The following PNKP variants were observed in gnomAD, a reference collection of about 807,000 sequenced individuals.
The protein encoded by PNKP is polynucleotide kinase 3'-phosphatase, also known as bifunctional polynucleotide phosphatase/kinase.
In PNKP, 82 loss-of-function variants were observed where a neutral mutation model predicts 66.2. The observed-to-expected ratio is 1.24, with a 90% confidence interval of 1.04 to 1.49. PNKP has a LOEUF of 1.49. Among genes scored for constraint, PNKP ranks in the 40% most tolerant of loss-of-function variants. The probability of loss-of-function intolerance (pLI) is 0.00; values close to 1 mark genes in which losing one functional copy is unlikely to be tolerated. For synonymous variants in PNKP, 412 were observed against 298.9 expected (o/e 1.38, Z -3.90); for missense variants, 907 against 706.8 (o/e 1.28, Z -3.21).
In PNKP at chr19:49,862,800, C is replaced by T. The variant is rs367874198; in HGVS notation, c.817-62G>A. 4 of 1,568,550 alleles carry T rather than the reference C, an allele frequency of 2.6e-6. No individual in the cohort carries two copies. The Admixed American group carries it at 5.0e-5, about 20-fold the overall frequency. On this transcript the variant is annotated intron_variant, in intron 8 of 16. Transcript: ENST00000322344. The stretch of plus-strand genomic sequence containing the variant: ...ATGTCCCCCCGCAGCGGTAGCGGGT[C>T]CCTGGGGCTGCTTCGCCTGGTCTGT...
rs1349888810 is a variant in PNKP at position 49,862,288 on chromosome 19, G to A, written c.1030-7C>T. On this transcript the variant is annotated splice_polypyrimidine_tract_variant and splice_region_variant and intron_variant, in intron 11 of 16. Coordinates refer to ENST00000322344, the MANE Select transcript of PNKP (RefSeq NM_007254.4). ...CTGAGCGGGAGACAGTCCTCTGCGA[G>A]GGGCGGGGGACACGCGTGAGATGCC... 7.0e-6 allele frequency: 11 copies of A among 1,580,662 alleles called. No individual in the cohort carries two copies. Among genetic ancestry groups the A allele is most frequent in the African/African-American group, 4.0e-5 (3 of 74,522 alleles).
rs771741148 is a variant in PNKP, at chr19:49,862,521, G to C, written c.936+17C>G. 1.2e-6 allele frequency: 2 copies of C among 1,602,156 alleles called. No individual in the cohort carries two copies. The highest frequency in any genetic ancestry group is 3.4e-5 in the Admixed American group (2 of 57,974). ...CAGGGTCGGGCTCGGGCGCGGGGCA[G>C]GGGGCAGGGGCCTCACCAGGCGATC... On this transcript the variant is annotated intron_variant, in intron 10 of 16. Transcript: ENST00000322344.
At chr19:49,866,651 C>T in intron 2 of PNKP, 1 of 668,226 alleles carries the variant, frequency 1.5e-6, no homozygotes, top group South Asian at 1.6e-5. Flanking sequence ...CAGGGAGGTA[C>T]TTTTCTCTAC....
chr19:49,861,497 G>C lies in PNKP; in HGVS notation c.1400C>G (p.Thr467Arg). 2.5e-6 allele frequency: 4 copies of C among 1,607,032 alleles called. No homozygotes were observed. Among genetic ancestry groups the C allele is most frequent in the Non-Finnish European group, 3.4e-6 (4 of 1,176,168 alleles). ...ARHNNRFREMTDSSHIPVSDM... is the reference protein window; with the variant it reads ...ARHNNRFREMRDSSHIPVSDM... ...TGACACGGGGATATGAGAGGAGTCC[G>C]TCATCTCTCGAAACTGTGGGGAACA... The change falls in exon 16 of 17, where the codon ACG becomes AGG. Residue 467 changes from threonine to arginine, a missense_variant. Coordinates refer to ENST00000322344, the MANE Select transcript of PNKP (RefSeq NM_007254.4).
Position 49,861,331 on chromosome 19 carries a change from A to AGC in PNKP, c.1481_1482dup (p.Phe495AlafsTer?). On this transcript the variant is annotated frameshift_variant, in exon 17 of 17. Transcript: ENST00000322344. LOFTEE classifies it high-confidence loss of function. ...AACGGGATCTCCAGGATGGCAGAGA[A>AGC]GCCTTCAGCCAGCGTTGGGGCCTCG... 1 of 1,614,160 alleles carries AGC rather than the reference A, an allele frequency of 6.2e-7. No homozygotes were observed. Among genetic ancestry groups the AGC allele is most frequent in the East Asian group, 2.2e-5 (1 of 44,882 alleles).
Position 49,861,931 on chromosome 19 carries a change from A to C in PNKP, c.1189-50T>G, listed in dbSNP as rs1211638345. ...AGATCGGCAGACCCAGGGGGAGAGA[A>C]GACCCCGAGCGGGGACGGGGAGGCA... On this transcript the variant is annotated intron_variant, in intron 13 of 16. Coordinates refer to ENST00000322344, the MANE Select transcript of PNKP (RefSeq NM_007254.4). 3 of 1,576,256 alleles carry C rather than the reference A, an allele frequency of 1.9e-6. No individual in the cohort carries two copies. The African/African-American group carries it at 4.0e-5, about 21-fold the overall frequency.
At position 49,862,095 on chromosome 19, in the gene PNKP, G is replaced by A; in HGVS notation, c.1137C>T (p.Ser379=). Residue 379 remains serine, a synonymous_variant, in exon 13 of 17, where the codon TCC becomes TCT. Transcript: ENST00000322344. ...ACACGAGGTGCTTCTTGAGAAAGGTGGACTTCCCGGCTGTGTGGGGGGCAG... is the reference window on the plus strand; with the variant it reads ...ACACGAGGTGCTTCTTGAGAAAGGTAGACTTCCCGGCTGTGTGGGGGGCAG... ...VAVGFPGAGK[S]TFLKKHLVSA... 6.2e-7 allele frequency: 1 copy of A among 1,614,134 alleles called. No homozygotes were observed. The highest frequency in any genetic ancestry group is 8.5e-7 in the Non-Finnish European group (1 of 1,180,006).
chr19:49,863,668 C>A (rs767373594), intron 8 of PNKP, 21 bp downstream of exon 8: 2 of 1,541,960 alleles, frequency 1.3e-6, no homozygotes, highest in African/African-American at 2.7e-5. Flanking sequence ...GGAGGGGGGC[C>A]GGGCAGGCTG....
At position 49,863,775 on chromosome 19, in the gene PNKP, G is replaced by C. The variant is rs952214252; in HGVS notation, c.745-15C>G. 20 of 1,555,386 alleles carry C rather than the reference G, an allele frequency of 1.3e-5. No individual in the cohort carries two copies. The highest frequency in any genetic ancestry group is 1.7e-5 in the Non-Finnish European group (20 of 1,148,640). On this transcript the variant is annotated splice_polypyrimidine_tract_variant and intron_variant, in intron 7 of 16. Transcript: ENST00000322344. Reference sequence around the variant, plus strand: ...GCCACCAGCACCTGTGGATGGGAGGGGGCCACCAGCTTTAGCTCCCCCTCA... The same window carrying C: ...GCCACCAGCACCTGTGGATGGGAGGCGGCCACCAGCTTTAGCTCCCCCTCA...
chr19:49,861,647 G>C lies in PNKP; in HGVS notation c.1347C>G (p.Leu449=), dbSNP rs1347277042. The change falls in exon 15 of 17, where the codon CTC becomes CTG. Residue 449 remains leucine, a synonymous_variant. Transcript: ENST00000322344. The part of the protein sequence containing the change: ...RAAGVPCRCF[L]FTATLEQARH... ...GCGCCTGCTCCAGAGTGGCGGTGAA[G>C]AGGAAGCAGCGGCAGGGGACGCCCG... 1 of 1,551,882 alleles carries C rather than the reference G, an allele frequency of 6.4e-7. No homozygotes were observed. The highest frequency in any genetic ancestry group is 1.4e-5 in the African/African-American group (1 of 73,216).
chr19:49,864,307 GT>G lies in PNKP; in HGVS notation c.578+16del. 6.2e-7 allele frequency: 1 copy of G among 1,612,684 alleles called. No individual in the cohort carries two copies. Among genetic ancestry groups the G allele is most frequent in the Non-Finnish European group, 8.5e-7 (1 of 1,178,694 alleles). ...GACTCCAGGCCTCACTCACTCCCTTGTTTTGCCTCTTATCACCTCCAGTCAC... is the reference window on the plus strand; with the variant it reads ...GACTCCAGGCCTCACTCACTCCCTTGTTTGCCTCTTATCACCTCCAGTCAC... On this transcript the variant is annotated intron_variant, in intron 5 of 16. Transcript: ENST00000322344.
chr19:49,861,258 G>C lies in PNKP; in HGVS notation c.1556C>G (p.Ser519Cys), dbSNP rs745801055. 1.2e-6 allele frequency: 2 copies of C among 1,603,728 alleles called. No homozygotes were observed. The highest frequency in any genetic ancestry group is 1.1e-5 in the South Asian group (1 of 90,842). The stretch of plus-strand genomic sequence containing the variant: ...GGAGCTGGGCGGGGCTCAGCCCTCG[G>C]AGAACTGGCAGTACAGCCGCCCCAG... The part of the protein sequence containing the change: ...PRLGRLYCQF[S>C]EG The change falls in exon 17 of 17, where the codon TCC (serine) becomes TGC (cysteine). Residue 519 changes from serine (S) to cysteine (C), a missense_variant. Physicochemically the swap from Ser to Cys is moderately radical, Grantham distance 112 (BLOSUM62 -1). Coordinates refer to ENST00000322344, the MANE Select transcript of PNKP (RefSeq NM_007254.4).
At chr19:49,866,687 A>T in intron 2 of PNKP, 2 of 626,662 alleles carry the variant, frequency 3.2e-6, no homozygotes, top group South Asian at 3.6e-5. Flanking sequence ...CTTGACAAAA[A>T]ATGTGGCTAG....
Position 49,863,672 on chromosome 19 carries a change from C to T in PNKP, c.816+17G>A, listed in dbSNP as rs1166765841. 6.5e-7 allele frequency: 1 copy of T among 1,547,098 alleles called. No homozygotes were observed. The highest frequency in any genetic ancestry group is 8.7e-7 in the Non-Finnish European group (1 of 1,142,924). On this transcript the variant is annotated intron_variant, in intron 8 of 16. Coordinates refer to ENST00000322344, the MANE Select transcript of PNKP (RefSeq NM_007254.4). ...AGTGAGGAAAAGGAGGGGGGCCGGG[C>T]AGGCTGCAAGACTCACCTGCTCCTG...
rs796052853 is a variant in PNKP, at chr19:49,862,371, C to A, written c.1029G>T (p.Pro343=). 1.9e-6 allele frequency: 3 copies of A among 1,548,522 alleles called. No homozygotes were observed. The highest frequency in any genetic ancestry group is 2.4e-5 in the East Asian group (1 of 40,982). The change falls in exon 11 of 17, where the codon CCG becomes CCT. Residue 343 remains proline, a splice_region_variant and synonymous_variant. Transcript: ENST00000322344. ...CCCCACCCCCGCCCCAGGGCCTCAC[C>A]GGATCAAAGGCTGGGAGCTCGAAGC... ...AAGFELPAFD[P]RTVSRSGPLC... is the part of the protein sequence containing the mutation.
intron 2 of PNKP, 146 bp downstream of exon 2, chr19:49,866,908 C>T (rs1037144507): frequency 6.0e-6 from 5 of 837,306 alleles, no homozygotes; most frequent in African/African-American, 5.0e-5. Flanking sequence ...CAAGCACAAA[C>T]TTTATCTTCC....
Position 49,867,098 on chromosome 19 carries a change from C to G in PNKP, c.107G>C (p.Gly36Ala), listed in dbSNP as rs756589726. 4.3e-6 allele frequency: 7 copies of G among 1,613,608 alleles called. No individual in the cohort carries two copies. In the African/African-American group the frequency reaches 8.0e-5, roughly 18 times the overall value. The change falls in exon 2 of 17, where the codon GGA becomes GCA. Residue 36 changes from glycine (G) to alanine (A), a missense_variant. By Grantham distance (60) the Gly-to-Ala change is moderately conservative. Transcript: ENST00000322344. ...CCGGTCCGTAACCTGGGTCAGGGGT[C>G]CCCTGCCCAGGACCAGGGCTTGCCC... ...SDGQALVLGR[G>A]PLTQVTDRKC...
At chr19:49,862,325 C>A in intron 11 of PNKP, 44 bp from the exon 12 acceptor site, 1 of 1,538,628 alleles carries the variant, frequency 6.5e-7, no homozygotes, top group Non-Finnish European at 8.8e-7. Flanking sequence ...TCCCCATCCC[C>A]GGGAGCCCTC....
At position 49,867,281 on chromosome 19, in the gene PNKP, T is replaced by A. The variant is rs1357469618; in HGVS notation, c.-13-64A>T. On this transcript the variant is annotated intron_variant, in intron 1 of 16. Transcript: ENST00000322344. ...CCAATTTGCTGCAGGAAGTCCCGCCTCCTCCCACATCCACTAGAAAGTTTC... is the reference window on the plus strand; with the variant it reads ...CCAATTTGCTGCAGGAAGTCCCGCCACCTCCCACATCCACTAGAAAGTTTC... The A allele has an allele frequency of 1.8e-5, 26 of 1,453,976 alleles. No individual in the cohort carries two copies. The East Asian group carries it at 6.2e-4, about 35-fold the overall frequency. 90.1% of individuals were successfully genotyped at this position (1,453,976 alleles called of 1,614,324 possible).
Sources: allele counts gnomAD v4.1 joint callset, GRCh38; gene constraint gnomAD v4.1.1; transcripts MANE v1.5; gene names NCBI Gene and HGNC (gene_info 2026-07-23, HGNC 2026-07-21).